Variants in ZFHX3 observed in about 807,000 individuals in gnomAD.
ZFHX3 encodes zinc finger homeobox protein 3.
ZFHX3 carries 42 observed loss-of-function variants against 279.1 expected under a neutral mutation model. That is an observed-to-expected ratio of 0.15 (90% CI 0.12 to 0.19). The LOEUF (loss-of-function observed/expected upper bound fraction) is 0.19, where lower values mean the gene tolerates loss of function less well. ZFHX3 is among the 10% of genes least tolerant of loss of function. The probability of loss-of-function intolerance (pLI) is 1.00; values close to 1 mark genes in which losing one functional copy is unlikely to be tolerated. For missense variants in ZFHX3, 4,981 were observed against 4,754.0 expected (o/e 1.05, Z -1.40); for synonymous variants, 2,293 against 1,957.8 (o/e 1.17, Z -4.52).
intron 5 of ZFHX3, among the ~76,000 whole-genome samples, chr16:73,197,911 A>G (rs1968184213): frequency 9.2e-6 from 1 of 108,164 alleles, no homozygotes; most frequent in South Asian, 3.5e-4. Flanking sequence ...TAAGTAGAGT[A>G]TCTGATTTGG....
At chr16:73,074,519 C>T (rs993203356) in intron 8 of ZFHX3, among the ~76,000 whole-genome samples, 2 of 152,196 alleles carry the variant, frequency 1.3e-5, no homozygotes, top group Admixed American at 6.5e-5. Context: ...TCTCCATAAA[C>T]GCCCACCATG....
chr16:73,306,590 T>C (rs2015186115), intron 4 of ZFHX3, among the ~76,000 whole-genome samples: 1 of 152,234 alleles, frequency 6.6e-6, no homozygotes, highest in South Asian at 2.1e-4. Flanking sequence ...CCGAAAGTGC[T>C]GGGATTGGAG....
chr16:73,066,816 T>G (rs1965761298), intron 8 of ZFHX3, among the ~76,000 whole-genome samples: 2 of 152,162 alleles, frequency 1.3e-5, no homozygotes, highest in African/African-American at 4.8e-5. Context: ...CCCTTCTCTT[T>G]CCGCCGTTCT....
intron 7 of ZFHX3, chr16:73,126,748 A>C (rs1966576368): frequency 6.6e-6 from 1 of 152,302 alleles, no homozygotes; most frequent in Non-Finnish European, 1.5e-5. Flanking sequence ...AGGTGGTGAG[A>C]AGACCAGGGA....
chr16:73,164,790 T>A, intron 5 of ZFHX3, among the ~76,000 whole-genome samples: 1 of 152,124 alleles, frequency 6.6e-6, no homozygotes, highest in East Asian at 1.9e-4. Flanking sequence ...GACCAAGCAT[T>A]CTCATTAATG....
intron 6 of ZFHX3, chr16:73,143,642 T>G (rs1966853303): frequency 1.0e-5 from 7 of 701,492 alleles, no homozygotes; most frequent in Non-Finnish European, 1.6e-5. Flanking sequence ...TCCTTTGAAC[T>G]GTTTGGTTTT....
intron 1 of ZFHX3, among the ~76,000 whole-genome samples, chr16:73,879,304 GAC>G (rs1232458419): frequency 6.9e-6 from 1 of 144,870 alleles, no homozygotes; most frequent in Non-Finnish European, 1.5e-5. Flanking sequence ...AAAAAAAGCA[GAC>G]ACAGATCAAG....
chr16:73,238,382 C>G (rs2013018056), intron 5 of ZFHX3, among the ~76,000 whole-genome samples: 1 of 152,126 alleles, frequency 6.6e-6, no homozygotes, highest in African/African-American at 2.4e-5. Context: ...GTCCACGAGC[C>G]CTTCAATTCA....
chr16:72,946,294 A>G (rs1960672553), intron 3 of ZFHX3, among the ~76,000 whole-genome samples: 1 of 152,128 alleles, frequency 6.6e-6, no homozygotes, highest in Non-Finnish European at 1.5e-5. Context: ...CTGTTGGCCC[A>G]CAGCAGCTCA....
intron 1 of ZFHX3, among the ~76,000 whole-genome samples, chr16:73,764,347 T>C (rs1489570180): frequency 6.6e-6 from 1 of 152,106 alleles, no homozygotes; most frequent in Non-Finnish European, 1.5e-5. Context: ...CTTTTTTATA[T>C]AAAATTAATA....
At chr16:73,805,868 C>G (rs12918591) in intron 1 of ZFHX3, among the ~76,000 whole-genome samples, 7,728 of 152,260 alleles carry the variant, frequency 0.051, 199 homozygotes, top group African/African-American at 0.067. Context: ...GAAGGCCTCT[C>G]TGAGAAGGTG....
intron 1 of ZFHX3, among the ~76,000 whole-genome samples, chr16:73,843,587 G>T (rs1216113751): frequency 2.0e-5 from 3 of 152,164 alleles, no homozygotes; most frequent in Non-Finnish European, 4.4e-5. Flanking sequence ...CATCAGACAA[G>T]GAATAGGAAA....
chr16:72,785,980 A>AGTT lies in ZFHX3; in HGVS notation c.*1181_*1183dup, dbSNP rs1359911137. ...TAGAATCCCTTGAAATTCTTTCTTT[A>AGTT]GTTTTATAAAATAATTCTGCAGCTC... On this transcript the variant is annotated 3_prime_UTR_variant, in exon 10 of 10. Transcript: ENST00000268489. 1 of 152,180 alleles carries AGTT rather than the reference A, an allele frequency of 6.6e-6. No homozygotes were observed. The highest frequency in any genetic ancestry group is 6.5e-5 in the Admixed American group (1 of 15,282). 9.4% of individuals were successfully genotyped at this position (152,180 alleles called of 1,614,324 possible).
chr16:73,566,114 C>A (rs2020447111), intron 2 of ZFHX3, among the ~76,000 whole-genome samples: 1 of 152,176 alleles, frequency 6.6e-6, no homozygotes, highest in South Asian at 2.1e-4. Flanking sequence ...CCTGGTGCAG[C>A]CTCATCTCTC....
Position 72,797,125 on chromosome 16 carries a change from G to C in ZFHX3, c.5557C>G (p.Gln1853Glu), listed in dbSNP as rs761672346. The change falls in exon 9 of 10, where the codon CAG becomes GAG. Residue 1853 changes from glutamine (Q) to glutamate (E), a missense_variant. By Grantham distance (29) the Gln-to-Glu change is conservative (BLOSUM62 2). Around this residue, in one of 7 missense-constraint regions of ZFHX3, gnomAD observed 1,751 missense variants for 1,770.0 expected, o/e 0.99. Coordinates refer to ENST00000268489, the MANE Select transcript of ZFHX3 (RefSeq NM_006885.4). Reference protein sequence around the residue: ...QQSHQQILPQQQQNQLSIAQS... With the variant: ...QQSHQQILPQEQQNQLSIAQS... The stretch of plus-strand genomic sequence containing the variant: ...GCTATAGAGAGTTGGTTCTGCTGCT[G>C]CTGCGGCAAGATCTGCTGATGGCTC... The C allele has an allele frequency of 9.3e-6, 15 of 1,613,806 alleles. No individual in the cohort carries two copies. The highest frequency in any genetic ancestry group is 1.1e-5 in the Non-Finnish European group (13 of 1,179,990).
At chr16:73,427,425 C>T (rs896784996) in intron 3 of ZFHX3, among the ~76,000 whole-genome samples, 1 of 152,176 alleles carries the variant, frequency 6.6e-6, no homozygotes, top group East Asian at 1.9e-4. Context: ...GGCAGCCTGC[C>T]TGCCACCCAG....
intron 1 of ZFHX3, among the ~76,000 whole-genome samples, chr16:73,890,663 G>A (rs564444289): frequency 7.2e-5 from 11 of 152,200 alleles, no homozygotes; most frequent in South Asian, 4.2e-4. Flanking sequence ...AGCCCACTGC[G>A]TAATATCACA....
intron 1 of ZFHX3, among the ~76,000 whole-genome samples, chr16:73,889,667 C>T (rs939246629): frequency 2.6e-5 from 4 of 152,264 alleles, no homozygotes; most frequent in South Asian, 2.1e-4. Flanking sequence ...ATGCTTAAAA[C>T]ACCCACTGCC....
At chr16:73,777,380 G>A (rs1312548895) in intron 1 of ZFHX3, among the ~76,000 whole-genome samples, 1 of 151,972 alleles carries the variant, frequency 6.6e-6, no homozygotes, top group Non-Finnish European at 1.5e-5. Context: ...GCGCGTGCCT[G>A]TAGTCTCAGC....
Sources: gnomAD v4.1 joint callset for allele counts (sites outside exome capture counted in the v4.1 genomes callset) on GRCh38, gnomAD v4.1.1 for gene constraint, gnomAD v4.1.1 regional missense constraint, MANE v1.5 for transcripts, NCBI Gene and HGNC (gene_info 2026-07-23, HGNC 2026-07-21) for gene names.